MLLT10: variants seen among roughly 807,000 people sequenced by gnomAD.
The protein encoded by MLLT10 is MLLT10 histone lysine methyltransferase DOT1L cofactor.
Under a neutral mutation model 129.1 loss-of-function variants are expected in MLLT10, and 30 were observed. That is an observed-to-expected ratio of 0.23 (90% CI 0.17 to 0.32). The LOEUF (loss-of-function observed/expected upper bound fraction) is 0.32, where lower values mean the gene tolerates loss of function less well. MLLT10 is among the 10% of genes least tolerant of loss of function. The probability of loss-of-function intolerance (pLI) is 1.00; values close to 1 mark genes in which losing one functional copy is unlikely to be tolerated. For missense variants in MLLT10, 1,119 were observed against 1,268.3 expected (o/e 0.88, Z 1.79); for synonymous variants, 490 against 446.4 (o/e 1.10, Z -1.23).
intron 14 of MLLT10, among the ~76,000 whole-genome samples, chr10:21,718,804 C>G (rs550380276): frequency 4.8e-4 from 73 of 152,352 alleles, no homozygotes; most frequent in Non-Finnish European, 9.8e-4. Flanking sequence ...TCACTGCAAA[C>G]TCTGCCCCTG....
intron 5 of MLLT10, among the ~76,000 whole-genome samples, chr10:21,597,885 A>G (rs1184537174): frequency 6.6e-6 from 1 of 152,194 alleles, no homozygotes; most frequent in East Asian, 1.9e-4. Flanking sequence ...ATCAGTTGGT[A>G]CATAATTTCA....
At chr10:21,667,212 A>T (rs920759184) in intron 9 of MLLT10, among the ~76,000 whole-genome samples, 1 of 152,086 alleles carries the variant, frequency 6.6e-6, no homozygotes, top group African/African-American at 2.4e-5. Flanking sequence ...AGTGTAAGAC[A>T]TCCTTAAAAA....
At chr10:21,736,809 A>G (rs2058405036) in intron 21 of MLLT10, among the ~76,000 whole-genome samples, 1 of 152,234 alleles carries the variant, frequency 6.6e-6, no homozygotes, top group Non-Finnish European at 1.5e-5. Flanking sequence ...AGTCCCAGGC[A>G]GAGATGCAGT....
chr10:21,540,270 A>G (rs1366630084), intron 3 of MLLT10, among the ~76,000 whole-genome samples: 2 of 152,048 alleles, frequency 1.3e-5, no homozygotes, highest in African/African-American at 2.4e-5. Flanking sequence ...GCGTGCCTAT[A>G]GTCTAGCTAC....
At chr10:21,676,796 C>T (rs1297595017) in intron 11 of MLLT10, among the ~76,000 whole-genome samples, 1 of 131,190 alleles carries the variant, frequency 7.6e-6, no homozygotes, top group Admixed American at 8.1e-5. Context: ...AAGCTATAAT[C>T]ATGGAATAAG....
intron 3 of MLLT10, among the ~76,000 whole-genome samples, chr10:21,562,495 G>T (rs1329519504): frequency 1.3e-5 from 2 of 151,302 alleles, no homozygotes; most frequent in Non-Finnish European, 2.9e-5. Flanking sequence ...CCGCCATCAC[G>T]CCCGGCTAAT....
rs191920877 is a variant in MLLT10, at chr10:21,539,537, G to A, written c.240+625G>A. 3.0e-3 allele frequency among the ~76,000 whole-genome samples: 463 copies of A among 151,870 alleles called. 1 individual carries two copies. Among genetic ancestry groups the A allele is most frequent in the African/African-American group, 0.011 (445 of 41,382 alleles). ...ACCTGTAATCCCAGCACTTTGGGAG[G>A]CCGAGGCGGGAGTATCTCGAGGTCA... On this transcript the variant is annotated intron_variant, in intron 3 of 22. Coordinates refer to ENST00000307729, the MANE Select transcript of MLLT10 (RefSeq NM_001195626.3).
intron 13 of MLLT10, among the ~76,000 whole-genome samples, chr10:21,689,958 C>T (rs2053699783): frequency 6.6e-6 from 1 of 151,850 alleles, no homozygotes. Flanking sequence ...CCAAGAAGAA[C>T]TGGTAATGAC....
intron 5 of MLLT10, among the ~76,000 whole-genome samples, chr10:21,601,829 G>A (rs1271692938): frequency 1.3e-5 from 2 of 152,138 alleles, no homozygotes; most frequent in Non-Finnish European, 2.9e-5. Context: ...CAGCCACTAT[G>A]CCTGGCCCTA....
At chr10:21,548,458 C>G (rs2036457272) in intron 3 of MLLT10, among the ~76,000 whole-genome samples, 1 of 151,700 alleles carries the variant, frequency 6.6e-6, no homozygotes, top group Non-Finnish European at 1.5e-5. Flanking sequence ...CAAGCTCCGC[C>G]TCCCGGGTTC....
chr10:21,572,113 T>C (rs562875434), intron 3 of MLLT10: 1 of 152,204 alleles, frequency 6.6e-6, no homozygotes, highest in South Asian at 2.1e-4. Flanking sequence ...TTTTGTAGGT[T>C]TGAGTATTTT....
At position 21,620,527 on chromosome 10, in the gene MLLT10, G is replaced by A. The variant is rs182947714; in HGVS notation, c.699+3320G>A. Among the ~76,000 whole-genome samples the A allele has an allele frequency of 6.2e-4, 94 of 152,154 alleles. 1 individual carries two copies. The highest frequency in any genetic ancestry group is 4.4e-5 in the Non-Finnish European group (3 of 67,990). On this transcript the variant is annotated intron_variant, in intron 8 of 22. Coordinates refer to ENST00000307729, the MANE Select transcript of MLLT10 (RefSeq NM_001195626.3). ...ACAGGATATTTTCAGCTTATGATGGGGTTATTGTAAGGTGAGGAGCATCTG... is the reference window on the plus strand; with the variant it reads ...ACAGGATATTTTCAGCTTATGATGGAGTTATTGTAAGGTGAGGAGCATCTG...
intron 8 of MLLT10, among the ~76,000 whole-genome samples, chr10:21,638,073 A>G (rs1023227285): frequency 6.6e-5 from 10 of 150,914 alleles, no homozygotes; most frequent in African/African-American, 2.2e-4. Context: ...AGTGATTTAC[A>G]TGTCTCATTA....
chr10:21,681,179 A>G (rs1347222708), intron 11 of MLLT10, among the ~76,000 whole-genome samples, 153 bp from the exon 12 acceptor site: 1 of 152,060 alleles, frequency 6.6e-6, no homozygotes, highest in African/African-American at 2.4e-5. Context: ...TGTCCCAATT[A>G]TTAGCTTATA....
chr10:21,717,749 T>TTCCTCCTCC (rs1173240690), intron 14 of MLLT10, among the ~76,000 whole-genome samples: 1 of 75,752 alleles, frequency 1.3e-5, no homozygotes, highest in Non-Finnish European at 2.6e-5. Context: ...CCTCCTCCTC[T>TTCCTCCTCC]TCCTCCTCCT....
At chr10:21,686,248 G>A (rs920331750) in intron 13 of MLLT10, among the ~76,000 whole-genome samples, 2 of 152,144 alleles carry the variant, frequency 1.3e-5, no homozygotes, top group African/African-American at 4.8e-5. Context: ...TCGATTTAAA[G>A]TTAATTCTCC....
chr10:21,672,073 A>C (rs2051478090), intron 10 of MLLT10, among the ~76,000 whole-genome samples: 1 of 152,160 alleles, frequency 6.6e-6, no homozygotes, highest in Non-Finnish European at 1.5e-5. Flanking sequence ...GGGGATTTAC[A>C]TAGGTCTCAG....
intron 8 of MLLT10, among the ~76,000 whole-genome samples, chr10:21,650,308 A>G (rs1300469161): frequency 6.6e-6 from 1 of 152,138 alleles, no homozygotes; most frequent in Admixed American, 6.5e-5. Context: ...CTGTGATCGT[A>G]CCACTGCACT....
chr10:21,580,948 A>G (rs1224413181), intron 3 of MLLT10, among the ~76,000 whole-genome samples: 3 of 141,664 alleles, frequency 2.1e-5, no homozygotes, highest in Admixed American at 7.3e-5. Flanking sequence ...TCCTGACCTC[A>G]TGATCTGCCT....
Sources: gnomAD v4.1 joint callset for allele counts (sites outside exome capture counted in the v4.1 genomes callset) on GRCh38, gnomAD v4.1.1 for gene constraint, MANE v1.5 for transcripts, NCBI Gene and HGNC (gene_info 2026-07-23, HGNC 2026-07-21) for gene names.